The following LINGO2 variants were observed in gnomAD, a reference collection of about 807,000 sequenced individuals.
The protein encoded by LINGO2 is leucine rich repeat and Ig domain containing 2.
LINGO2 carries 14 observed loss-of-function variants against 30.6 expected under a neutral mutation model. The ratio of observed to expected loss-of-function variants is 0.46; its 90% CI spans 0.30 to 0.72. The LOEUF (loss-of-function observed/expected upper bound fraction) is 0.72. Among genes scored for constraint, LINGO2 ranks in the 30% least tolerant of loss-of-function variants. The pLI is 0.07. For missense variants in LINGO2, 729 were observed against 751.7 expected (o/e 0.97, Z 0.35); for synonymous variants, 317 against 288.5 (o/e 1.10, Z -1.00).
chr9:28,799,717 G>C, the LINGO2 span, among the ~76,000 whole-genome samples: 1 of 152,086 alleles, frequency 6.6e-6, no homozygotes, highest in South Asian at 2.1e-4. Context: ...ATGTCACAGA[G>C]TTGTTATGAG....
At chr9:28,776,757 A>C in the LINGO2 span, among the ~76,000 whole-genome samples, 1 of 152,148 alleles carries the variant, frequency 6.6e-6, no homozygotes, top group Non-Finnish European at 1.5e-5. Context: ...TAAATAAGCA[A>C]TAACGATGAG....
Position 28,351,094 on chromosome 9 carries a change from A to C in LINGO2, c.-246+21742T>G, listed in dbSNP as rs1174056527. Among the ~76,000 whole-genome samples, 4 of 151,780 alleles carry C rather than the reference A, an allele frequency of 2.6e-5. 1 individual carries two copies. The highest frequency in any genetic ancestry group is 5.9e-5 in the Non-Finnish European group (4 of 67,848). On this transcript the variant is annotated intron_variant, in intron 3 of 5. Transcript: ENST00000379992. ...CTAACATCACAATTAAAAGAACTAG[A>C]AAAGCAAGAGCAAACACATTCAAAA... is the stretch of plus-strand genomic sequence containing the variant.
chr9:28,617,597 T>A (rs1398485802), intron 1 of LINGO2, among the ~76,000 whole-genome samples: 1 of 152,076 alleles, frequency 6.6e-6, no homozygotes, highest in East Asian at 1.9e-4. Context: ...GCCCAGACAA[T>A]AACATTTCTA....
chr9:28,859,997 T>G, the LINGO2 span, among the ~76,000 whole-genome samples: 1 of 152,060 alleles, frequency 6.6e-6, no homozygotes, highest in African/African-American at 2.4e-5. Context: ...TCTAAGTCAA[T>G]AATGTTTTAG....
intron 5 of LINGO2, among the ~76,000 whole-genome samples, chr9:27,975,638 G>A (rs2118830372): frequency 6.6e-6 from 1 of 152,166 alleles, no homozygotes; most frequent in African/African-American, 2.4e-5. Flanking sequence ...TTTATGTAAT[G>A]TATATAATTT....
chr9:28,510,806 TTAAG>T (rs1820352933), intron 1 of LINGO2, among the ~76,000 whole-genome samples: 1 of 152,056 alleles, frequency 6.6e-6, no homozygotes, highest in African/African-American at 2.4e-5. Flanking sequence ...TGGGAGTTTA[TTAAG>T]TATTAACTTA....
chr9:29,096,776 C>A, the LINGO2 span, among the ~76,000 whole-genome samples: 1,317 of 140,056 alleles, frequency 9.4e-3, 258 homozygotes, highest in African/African-American at 0.034. Context: ...AGTGCATCTC[C>A]GGTGAGTACA....
chr9:28,919,709 C>T, the LINGO2 span, among the ~76,000 whole-genome samples: 2 of 150,422 alleles, frequency 1.3e-5, no homozygotes, highest in African/African-American at 4.9e-5. Flanking sequence ...TTACTTTTAC[C>T]AGTGTATTAC....
chr9:28,741,998 G>C, the LINGO2 span, among the ~76,000 whole-genome samples: 1 of 151,988 alleles, frequency 6.6e-6, no homozygotes, highest in African/African-American at 2.4e-5. Flanking sequence ...AATCTTCAGG[G>C]CATGTCTTGA....
intron 1 of LINGO2, among the ~76,000 whole-genome samples, chr9:28,659,840 A>C (rs1442612043): frequency 6.6e-6 from 1 of 152,162 alleles, no homozygotes; most frequent in Non-Finnish European, 1.5e-5. Context: ...GTAACTTACA[A>C]TCATATACTT....
chr9:28,759,783 CT>C, the LINGO2 span, among the ~76,000 whole-genome samples: 1 of 151,894 alleles, frequency 6.6e-6, no homozygotes, highest in Non-Finnish European at 1.5e-5. Context: ...TCCAGTAGTA[CT>C]GAGTTCAGAG....
the LINGO2 span, among the ~76,000 whole-genome samples, chr9:28,727,246 C>A: frequency 6.6e-6 from 1 of 151,982 alleles, no homozygotes; most frequent in African/African-American, 2.4e-5. Flanking sequence ...CGTTAAAGTA[C>A]CTGTCTATGG....
chr9:28,088,087 G>T (rs1038240898), intron 4 of LINGO2, among the ~76,000 whole-genome samples: 3 of 151,692 alleles, frequency 2.0e-5, no homozygotes, highest in Non-Finnish European at 4.4e-5. Context: ...AACTAATTTC[G>T]GATAAGAGAT....
At chr9:28,509,280 C>T (rs553799365) in intron 1 of LINGO2, among the ~76,000 whole-genome samples, 1 of 152,278 alleles carries the variant, frequency 6.6e-6, no homozygotes, top group South Asian at 2.1e-4. Context: ...CATTTTCGCT[C>T]GGACATGAAA....
At chr9:28,569,349 T>C (rs78469569) in intron 1 of LINGO2, among the ~76,000 whole-genome samples, 5,394 of 151,706 alleles carry the variant, frequency 0.036, 205 homozygotes, top group African/African-American at 0.093. Flanking sequence ...CTGTTCATTG[T>C]AGTGTGATTC....
the LINGO2 span, among the ~76,000 whole-genome samples, chr9:28,754,874 G>A: frequency 1.3e-5 from 2 of 151,888 alleles, no homozygotes; most frequent in East Asian, 1.9e-4. Context: ...CCCATGATCC[G>A]CCCGTCTCAG....
chr9:27,981,096 T>C (rs564453235), intron 5 of LINGO2, among the ~76,000 whole-genome samples: 1 of 151,928 alleles, frequency 6.6e-6, no homozygotes, highest in East Asian at 1.9e-4. Context: ...GGGCTTTTCA[T>C]TGATCTCAGT....
At chr9:28,553,297 G>C (rs908717623) in intron 1 of LINGO2, among the ~76,000 whole-genome samples, 2 of 152,046 alleles carry the variant, frequency 1.3e-5, no homozygotes, top group Non-Finnish European at 2.9e-5. Flanking sequence ...ACAGAGAAGT[G>C]CTTAAAGGAG....
chr9:28,947,319 G>T, the LINGO2 span, among the ~76,000 whole-genome samples: 5 of 151,984 alleles, frequency 3.3e-5, no homozygotes, highest in Admixed American at 3.3e-4. Context: ...ATCCAAGGAG[G>T]CAGCATGGCA....
Sources: allele counts gnomAD v4.1 joint callset (sites outside exome capture counted in the v4.1 genomes callset), GRCh38; gene constraint gnomAD v4.1.1; transcripts MANE v1.5; gene names NCBI Gene and HGNC (gene_info 2026-07-23, HGNC 2026-07-21).